The following MAP3K1 variants were observed in gnomAD, a reference collection of about 807,000 sequenced individuals.
The protein encoded by MAP3K1 is mitogen-activated protein kinase kinase kinase 1.
A neutral mutation model predicts 144.2 loss-of-function variants in MAP3K1; 36 were observed. The ratio of observed to expected loss-of-function variants is 0.25; its 90% CI spans 0.19 to 0.33. The LOEUF (loss-of-function observed/expected upper bound fraction) is 0.33, where lower values mean the gene tolerates loss of function less well. Among genes scored for constraint, MAP3K1 ranks in the 10% least tolerant of loss-of-function variants. The pLI is 1.00. For missense variants in MAP3K1, 1,650 were observed against 1,881.9 expected (o/e 0.88, Z 2.28); for synonymous variants, 718 against 688.7 (o/e 1.04, Z -0.67).
At chr5:56,892,544 C>G (rs57803105) in intron 19 of MAP3K1, among the ~76,000 whole-genome samples, 15,230 of 152,118 alleles carry the variant, frequency 0.1, 1,230 homozygotes, top group East Asian at 0.35. Context: ...ACAAATTGTA[C>G]CTTCTAGTGA....
chr5:56,840,588 C>T (rs566737883), intron 1 of MAP3K1, among the ~76,000 whole-genome samples: 1 of 152,036 alleles, frequency 6.6e-6, no homozygotes, highest in East Asian at 1.9e-4. Context: ...ATATTGTATC[C>T]CAGCTTTTCT....
intron 1 of MAP3K1, among the ~76,000 whole-genome samples, chr5:56,837,868 C>T (rs866588351): frequency 8.5e-5 from 13 of 152,090 alleles, no homozygotes; most frequent in African/African-American, 3.1e-4. Context: ...TTTCTTCACA[C>T]TGAGTTTTAG....
At chr5:56,890,070 T>G (rs1748503784) in intron 19 of MAP3K1, among the ~76,000 whole-genome samples, 1 of 152,154 alleles carries the variant, frequency 6.6e-6, no homozygotes, top group Non-Finnish European at 1.5e-5. Flanking sequence ...CTCATAGCAT[T>G]TTAGTACATA....
chr5:56,850,439 T>A (rs1296460711), intron 1 of MAP3K1, among the ~76,000 whole-genome samples: 1 of 152,234 alleles, frequency 6.6e-6, no homozygotes, highest in African/African-American at 2.4e-5. Flanking sequence ...TTGCCTCTAT[T>A]GCAGTGAAAT....
intron 3 of MAP3K1, 37 bp downstream of exon 3, chr5:56,859,952 A>G: frequency 6.7e-7 from 1 of 1,494,918 alleles, no homozygotes; most frequent in Non-Finnish European, 9.2e-7. Flanking sequence ...TAGTTTTTAT[A>G]ATTTTTAGCT....
chr5:56,870,730 G>T (rs776396785), intron 6 of MAP3K1, among the ~76,000 whole-genome samples: 2 of 151,736 alleles, frequency 1.3e-5, no homozygotes, highest in African/African-American at 4.8e-5. Flanking sequence ...TCTTTTCATG[G>T]CTGTATAAGA....
intron 1 of MAP3K1, among the ~76,000 whole-genome samples, chr5:56,851,826 C>T (rs1327763799): frequency 2.6e-5 from 4 of 152,164 alleles, no homozygotes; most frequent in African/African-American, 9.7e-5. Context: ...TAGGACTGGG[C>T]AGACCCTTCG....
rs1272333048 is a variant in MAP3K1 at position 56,882,168 on chromosome 5, AC to A, written c.2972del (p.Pro991HisfsTer91). 1 of 1,614,038 alleles carries A rather than the reference AC, an allele frequency of 6.2e-7. No individual in the cohort carries two copies. Among genetic ancestry groups the A allele is most frequent in the Admixed American group, 1.7e-5 (1 of 59,980 alleles). On this transcript the variant is annotated frameshift_variant, in exon 14 of 20. Transcript: ENST00000399503. LOFTEE classifies it high-confidence loss of function. ...AGCCTTGTCAACCCCTTCTTCTTCTACCCCATCTGTACCAGCTGGCACTGCA... is the reference window on the plus strand; with the variant it reads ...AGCCTTGTCAACCCCTTCTTCTTCTACCCATCTGTACCAGCTGGCACTGCA... ...FPALSTPSSS[T>X]PSVPAGTATD...
intron 11 of MAP3K1, 84 bp from the exon 12 acceptor site, chr5:56,880,627 C>A: frequency 1.1e-6 from 1 of 880,644 alleles, no homozygotes. Context: ...TCCACTTTTT[C>A]ACAAGGCATT....
At chr5:56,829,337 T>C (rs552082573) in intron 1 of MAP3K1, among the ~76,000 whole-genome samples, 1 of 146,644 alleles carries the variant, frequency 6.8e-6, no homozygotes, top group South Asian at 2.2e-4. Context: ...TGCATGCCAC[T>C]GTGCCCGGCA....
intron 5 of MAP3K1, 22 bp downstream of exon 5, chr5:56,865,478 G>C (rs1235130820): frequency 1.6e-6 from 2 of 1,230,816 alleles, no homozygotes; most frequent in Non-Finnish European, 2.4e-6. Context: ...TAAATGCTTA[G>C]AGTAAAATTG....
At chr5:56,891,085 A>G (rs913949967) in intron 19 of MAP3K1, among the ~76,000 whole-genome samples, 6 of 151,892 alleles carry the variant, frequency 4.0e-5, no homozygotes, top group African/African-American at 1.5e-4. Context: ...CATTTTAGAA[A>G]ATCTTAAGTC....
intron 1 of MAP3K1, among the ~76,000 whole-genome samples, chr5:56,816,536 GAC>G (rs1745975602): frequency 6.6e-6 from 1 of 152,078 alleles, no homozygotes; most frequent in Non-Finnish European, 1.5e-5. Context: ...TCGGGTGGGA[GAC>G]TGAGAGGACC....
chr5:56,881,377 G>A (rs1439981387), intron 13 of MAP3K1, 105 bp downstream of exon 13: 2 of 1,073,000 alleles, frequency 1.9e-6, no homozygotes, highest in Middle Eastern at 2.4e-4. Flanking sequence ...AGCATGAATA[G>A]GTTGCTGATA....
At chr5:56,822,565 G>A (rs113896382) in intron 1 of MAP3K1, among the ~76,000 whole-genome samples, 9 of 152,160 alleles carry the variant, frequency 5.9e-5, no homozygotes, top group African/African-American at 1.9e-4. Flanking sequence ...CTTCCGTGGC[G>A]CCCATCTTCA....
At chr5:56,817,135 T>G in intron 1 of MAP3K1, 1 of 984,294 alleles carries the variant, frequency 1.0e-6, no homozygotes, top group Non-Finnish European at 1.2e-6. Context: ...GACCAGCGGT[T>G]TATTGGCCTC....
chr5:56,861,590 AG>A (rs149128894), intron 3 of MAP3K1, among the ~76,000 whole-genome samples: 6 of 134,584 alleles, frequency 4.5e-5, no homozygotes, highest in East Asian at 2.1e-4. Context: ...AAAAAAAAAA[AG>A]GGGCTATTAA....
At chr5:56,873,842 A>T (rs1180319175) in intron 9 of MAP3K1, among the ~76,000 whole-genome samples, 1 of 152,092 alleles carries the variant, frequency 6.6e-6, no homozygotes, top group African/African-American at 2.4e-5. Flanking sequence ...CCCATTTATG[A>T]ATCTAATAAA....
At chr5:56,820,713 G>A (rs147442334) in intron 1 of MAP3K1, 2 of 985,088 alleles carry the variant, frequency 2.0e-6, no homozygotes, top group East Asian at 2.3e-4. Flanking sequence ...CTACCCCTTT[G>A]TTATTGTTTT....
Sources: allele counts gnomAD v4.1 joint callset (sites outside exome capture counted in the v4.1 genomes callset), GRCh38; gene constraint gnomAD v4.1.1; transcripts MANE v1.5; gene names NCBI Gene and HGNC (gene_info 2026-07-23, HGNC 2026-07-21).